RABGAP1: variants seen among roughly 807,000 people sequenced by gnomAD.
The protein encoded by RABGAP1 is RAB GTPase activating protein 1, also known as rab GTPase-activating protein 1.
RABGAP1 carries 23 observed loss-of-function variants against 137.6 expected under a neutral mutation model. The observed-to-expected ratio is 0.17, with a 90% confidence interval of 0.12 to 0.24. The LOEUF is 0.24. Ranked by LOEUF, RABGAP1 falls within the 10% of genes least tolerant of loss-of-function variation. The pLI is 1.00. For missense variants in RABGAP1, 906 were observed against 1,275.8 expected, an observed-to-expected ratio of 0.71 and a Z score of 4.42; for synonymous variants, 451 against 450.7, an observed-to-expected ratio of 1.00 and a Z score of -0.01.
chr9:123,078,636 A>G (rs181581357), intron 19 of RABGAP1, among the ~76,000 whole-genome samples: 17 of 152,292 alleles, frequency 1.1e-4, no homozygotes, highest in Admixed American at 2.0e-4. Context: ...AGCACACAAG[A>G]GGATGCTGCC....
chr9:123,013,333 C>G (rs1029100959), intron 11 of RABGAP1, among the ~76,000 whole-genome samples: 1 of 95,090 alleles, frequency 1.1e-5, no homozygotes, highest in Non-Finnish European at 3.2e-5. Context: ...TGCCCTTGAG[C>G]CTTTCTTTTT....
chr9:122,959,498 C>G (rs1051586743), intron 2 of RABGAP1, among the ~76,000 whole-genome samples: 5 of 151,788 alleles, frequency 3.3e-5, no homozygotes, highest in Non-Finnish European at 7.4e-5. Context: ...CTCAGCAGAA[C>G]TGGTGACAAT....
intron 13 of RABGAP1, chr9:123,029,839 G>A: frequency 2.6e-6 from 1 of 390,464 alleles, no homozygotes; most frequent in South Asian, 2.3e-5. Flanking sequence ...CAAATAATAA[G>A]TGGTAGTTGA....
chr9:123,067,078 A>G (rs2034200160), intron 14 of RABGAP1, among the ~76,000 whole-genome samples: 4 of 152,220 alleles, frequency 2.6e-5, no homozygotes, highest in African/African-American at 9.6e-5. Flanking sequence ...TAGCTACTCC[A>G]CATTCAAATA....
chr9:122,998,919 T>TG (rs1473342809), intron 10 of RABGAP1, among the ~76,000 whole-genome samples, 153 bp downstream of exon 10: 1 of 152,160 alleles, frequency 6.6e-6, no homozygotes, highest in Non-Finnish European at 1.5e-5. Flanking sequence ...CCCACCTACT[T>TG]GTCATTTTTA....
At chr9:123,020,035 T>A (rs996001485) in intron 12 of RABGAP1, among the ~76,000 whole-genome samples, 2 of 151,032 alleles carry the variant, frequency 1.3e-5, no homozygotes, top group Non-Finnish European at 3.0e-5. Context: ...ATTTCCAGTT[T>A]TGCTTTTTTT....
chr9:123,061,579 A>T (rs1023745967), intron 13 of RABGAP1, among the ~76,000 whole-genome samples: 4 of 152,266 alleles, frequency 2.6e-5, no homozygotes, highest in African/African-American at 7.2e-5. Context: ...AGTTTGCAAG[A>T]TGGCAATAGT....
chr9:123,061,362 G>A (rs555869171), intron 13 of RABGAP1, among the ~76,000 whole-genome samples: 1 of 152,180 alleles, frequency 6.6e-6, no homozygotes, highest in Admixed American at 6.5e-5. Flanking sequence ...TGGTTTACTC[G>A]CCTCGGCCTC....
chr9:123,099,951 G>A (rs57641354), intron 24 of RABGAP1, among the ~76,000 whole-genome samples: 1 of 152,292 alleles, frequency 6.6e-6, no homozygotes, highest in African/African-American at 2.4e-5. Context: ...GCCTTCTGCT[G>A]TAACACATCC....
intron 13 of RABGAP1, among the ~76,000 whole-genome samples, chr9:123,026,489 T>C (rs1339919205): frequency 1.3e-5 from 2 of 152,200 alleles, no homozygotes; most frequent in Admixed American, 6.5e-5. Flanking sequence ...AGACTTCTTA[T>C]ATTGAACTAC....
At chr9:122,968,759 T>C (rs1835312398) in intron 2 of RABGAP1, among the ~76,000 whole-genome samples, 1 of 151,894 alleles carries the variant, frequency 6.6e-6, no homozygotes, top group Non-Finnish European at 1.5e-5. Flanking sequence ...GGATTACAGG[T>C]GTGTGCCACC....
rs144712224 is a variant in RABGAP1 at position 122,943,196 on chromosome 9, A to C, written c.-50+2103A>C. ...TTCAAGGAACTGATTCTCCTGACTC[A>C]GCTTGGGATTACAGGCGTGTGCCAC... is the stretch of plus-strand genomic sequence containing the variant. On this transcript the variant is annotated intron_variant, in intron 1 of 25. Transcript: ENST00000373647. 3.4e-5 allele frequency among the ~76,000 whole-genome samples: 5 copies of C among 147,924 alleles called. No homozygotes were observed. The East Asian group carries it at 8.3e-4, about 25-fold the overall frequency.
At chr9:123,028,445 A>G (rs1014297515) in intron 13 of RABGAP1, among the ~76,000 whole-genome samples, 1 of 152,236 alleles carries the variant, frequency 6.6e-6, no homozygotes, top group Non-Finnish European at 1.5e-5. Context: ...TGTACTGCAT[A>G]TGACATGAAG....
At chr9:122,992,948 G>A (rs1174813694) in intron 6 of RABGAP1, among the ~76,000 whole-genome samples, 1 of 151,682 alleles carries the variant, frequency 6.6e-6, no homozygotes, top group Middle Eastern at 3.5e-3. Context: ...CTTGTCAAAG[G>A]TAGTTCCTCT....
chr9:123,016,846 G>C (rs994694028), intron 12 of RABGAP1, among the ~76,000 whole-genome samples: 1 of 152,174 alleles, frequency 6.6e-6, no homozygotes, highest in African/African-American at 2.4e-5. Flanking sequence ...ATTGTGTCAT[G>C]CCCTTAAGGG....
At chr9:123,051,104 C>T (rs1457633997) in intron 13 of RABGAP1, among the ~76,000 whole-genome samples, 3 of 146,654 alleles carry the variant, frequency 2.0e-5, no homozygotes, top group Non-Finnish European at 4.5e-5. Flanking sequence ...GAAAAGAATA[C>T]TCAATTTTTT....
chr9:123,050,395 A>G (rs996855803), intron 13 of RABGAP1, among the ~76,000 whole-genome samples: 1 of 152,244 alleles, frequency 6.6e-6, no homozygotes, highest in Non-Finnish European at 1.5e-5. Context: ...ACAAAGCAAT[A>G]TCTACACACA....
intron 9 of RABGAP1, 83 bp from the exon 10 acceptor site, chr9:122,998,514 A>G: frequency 8.6e-7 from 1 of 1,167,492 alleles, no homozygotes; most frequent in Non-Finnish European, 1.2e-6. Context: ...TTATAATAAA[A>G]GTAATAGCTT....
intron 13 of RABGAP1, among the ~76,000 whole-genome samples, chr9:123,056,282 T>C (rs143494845): frequency 4.6e-4 from 70 of 152,312 alleles, no homozygotes; most frequent in African/African-American, 1.7e-3. Context: ...AAACTTTATG[T>C]GCAATTTTTT....
Sources: gnomAD v4.1 joint callset for allele counts (sites outside exome capture counted in the v4.1 genomes callset) on GRCh38, gnomAD v4.1.1 for gene constraint, MANE v1.5 for transcripts, NCBI Gene and HGNC (gene_info 2026-07-23, HGNC 2026-07-21) for gene names.